Variants in GPR149 observed in about 807,000 individuals in gnomAD.
The protein encoded by GPR149 is probable G protein-coupled receptor 149.
GPR149 carries 50 observed loss-of-function variants against 50.2 expected under a neutral mutation model. The ratio of observed to expected loss-of-function variants is 1.00; its 90% CI spans 0.79 to 1.26. GPR149 has a LOEUF of 1.26. Ranked by LOEUF, GPR149 falls within the 50% of genes most tolerant of loss-of-function variation. GPR149 has a pLI of 0.00. For synonymous variants in GPR149, 405 were observed against 358.2 expected (o/e 1.13, Z -1.48); for missense variants, 983 against 895.4 (o/e 1.10, Z -1.25).
intron 3 of GPR149, among the ~76,000 whole-genome samples, chr3:154,399,211 T>C (rs989946348): frequency 6.6e-6 from 1 of 152,134 alleles, no homozygotes; most frequent in Non-Finnish European, 1.5e-5. Context: ...TTTCCTATAG[T>C]AAGTACTTCT....
chr3:154,359,117 G>T (rs899482246), intron 3 of GPR149, among the ~76,000 whole-genome samples: 2 of 150,986 alleles, frequency 1.3e-5, no homozygotes, highest in South Asian at 2.1e-4. Flanking sequence ...TTTCTTCTCA[G>T]TTTTTTTTTG....
At chr3:154,388,337 C>T (rs566916127) in intron 3 of GPR149, among the ~76,000 whole-genome samples, 1 of 151,922 alleles carries the variant, frequency 6.6e-6, no homozygotes, top group Non-Finnish European at 1.5e-5. Context: ...CCCTTATGGA[C>T]TGTAGTTTGT....
intron 3 of GPR149, among the ~76,000 whole-genome samples, chr3:154,416,201 T>C (rs1384664919): frequency 6.6e-6 from 1 of 151,918 alleles, no homozygotes; most frequent in Non-Finnish European, 1.5e-5. Context: ...GGGTCGTATA[T>C]TAAATAGAAA....
At chr3:154,419,228 T>C (rs1712072588) in intron 3 of GPR149, among the ~76,000 whole-genome samples, 2 of 152,070 alleles carry the variant, frequency 1.3e-5, no homozygotes, top group African/African-American at 2.4e-5. Flanking sequence ...ATACTTTACA[T>C]AAATCATTTT....
chr3:154,353,424 A>G, intron 3 of GPR149: 8 of 1,041,302 alleles, frequency 7.7e-6, no homozygotes, highest in African/African-American at 1.6e-5. Flanking sequence ...CACATCTTCA[A>G]CTTGTTCATT....
chr3:154,380,157 T>A (rs778096312), intron 3 of GPR149, among the ~76,000 whole-genome samples: 14 of 129,098 alleles, frequency 1.1e-4, no homozygotes, highest in South Asian at 2.7e-4. Context: ...TGTGTGTGTG[T>A]GAGAGAGACA....
intron 3 of GPR149, among the ~76,000 whole-genome samples, chr3:154,368,592 A>G (rs1057122637): frequency 6.6e-6 from 1 of 152,196 alleles, no homozygotes; most frequent in Non-Finnish European, 1.5e-5. Flanking sequence ...AGAGCCGTTG[A>G]ATTGCTATTT....
rs548684391 is a variant in GPR149, at chr3:154,398,700, C to T, written c.1623+22339G>A. Among the ~76,000 whole-genome samples, 28 of 152,216 alleles carry T rather than the reference C, an allele frequency of 1.8e-4. No homozygotes were observed. The South Asian group carries it at 5.6e-3, about 30-fold the overall frequency. ...GACAAGTTCAAAAACCCAACTATTT[C>T]CATATGTGCTCTTGGATCTTAAATA... On this transcript the variant is annotated intron_variant, in intron 3 of 3. Coordinates refer to ENST00000389740, the MANE Select transcript of GPR149 (RefSeq NM_001038705.3).
chr3:154,382,874 A>T (rs565362870), intron 3 of GPR149, among the ~76,000 whole-genome samples: 1 of 152,336 alleles, frequency 6.6e-6, no homozygotes, highest in African/African-American at 2.4e-5. Context: ...CATTCAGTGA[A>T]TTAGTCATTC....
chr3:154,408,884 C>G (rs960073702), intron 3 of GPR149, among the ~76,000 whole-genome samples: 1 of 152,248 alleles, frequency 6.6e-6, no homozygotes, highest in African/African-American at 2.4e-5. Flanking sequence ...AGCTGATGCA[C>G]TCTTGAAAGT....
At chr3:154,387,896 G>A (rs1030329459) in intron 3 of GPR149, among the ~76,000 whole-genome samples, 11 of 151,722 alleles carry the variant, frequency 7.3e-5, no homozygotes, top group Non-Finnish European at 1.2e-4. Flanking sequence ...AACCTCTATG[G>A]CATGACCTTA....
In GPR149 at chr3:154,336,944, CA is replaced by C. The variant is rs1243739989; in HGVS notation, c.*754del. On this transcript the variant is annotated 3_prime_UTR_variant, in exon 4 of 4. Coordinates refer to ENST00000389740, the MANE Select transcript of GPR149 (RefSeq NM_001038705.3). Reference sequence around the variant, plus strand: ...TTTTAGGATAAAGTATACAATTACACAATTACAACTTTTTTCCAATAATGTT... The same window carrying C: ...TTTTAGGATAAAGTATACAATTACACATTACAACTTTTTTCCAATAATGTT... 16 of 151,654 alleles carry C rather than the reference CA, an allele frequency of 1.1e-4. No homozygotes were observed. Among genetic ancestry groups the C allele is most frequent in the African/African-American group, 3.9e-4 (16 of 41,292 alleles). The allele number at this position is 151,654 out of a possible 1,614,324, so 9.4% of individuals were successfully genotyped here.
chr3:154,400,026 G>A (rs1711511170), intron 3 of GPR149, among the ~76,000 whole-genome samples: 1 of 152,082 alleles, frequency 6.6e-6, no homozygotes, highest in African/African-American at 2.4e-5. Flanking sequence ...TCACTCTGTT[G>A]CCCAGGCTGG....
chr3:154,424,493 G>A (rs1293870553), intron 2 of GPR149, among the ~76,000 whole-genome samples: 1 of 151,724 alleles, frequency 6.6e-6, no homozygotes, highest in Non-Finnish European at 1.5e-5. Context: ...CCTTGACAGT[G>A]CTACAGTTCC....
intron 3 of GPR149, among the ~76,000 whole-genome samples, chr3:154,344,713 C>T (rs538025849): frequency 2.6e-5 from 4 of 152,100 alleles, no homozygotes; most frequent in Non-Finnish European, 5.9e-5. Context: ...AGTCAAGGAA[C>T]ACCAAGGATT....
chr3:154,347,298 G>A (rs553304508), intron 3 of GPR149, among the ~76,000 whole-genome samples: 9 of 152,290 alleles, frequency 5.9e-5, no homozygotes, highest in African/African-American at 2.2e-4. Context: ...TGGCTGGGGA[G>A]GCCTCAGGAA....
In GPR149 at chr3:154,371,019, C is replaced by T. The variant is rs765801367; in HGVS notation, c.1624-32748G>A. On this transcript the variant is annotated intron_variant, in intron 3 of 3. Transcript: ENST00000389740. The stretch of plus-strand genomic sequence containing the variant: ...CAACTTTGAGGTATGGGCCTTAAAA[C>T]GACAATTTGGAAAGGCAAAGAATGC... Among the ~76,000 whole-genome samples the T allele has an allele frequency of 1.4e-3, 218 of 152,158 alleles. 2 individuals are homozygous for T. Among genetic ancestry groups the T allele is most frequent in the Non-Finnish European group, 1.1e-3 (76 of 68,006 alleles).
At chr3:154,428,536 T>A in intron 1 of GPR149, 99 bp downstream of exon 1, 2 of 1,309,246 alleles carry the variant, frequency 1.5e-6, no homozygotes, top group Non-Finnish European at 2.1e-6. Context: ...CTTCACTGTG[T>A]GTCTCTTGGT....
At chr3:154,351,313 C>CAAAAAA (rs71155003) in intron 3 of GPR149, among the ~76,000 whole-genome samples, 224 of 75,540 alleles carry the variant, frequency 3.0e-3, no homozygotes, top group Non-Finnish European at 4.5e-3. Context: ...CATCCACATA[C>CAAAAAA]AAAAAAAAAA....
Sources: allele counts gnomAD v4.1 joint callset (sites outside exome capture counted in the v4.1 genomes callset), GRCh38; gene constraint gnomAD v4.1.1; transcripts MANE v1.5; gene names NCBI Gene and HGNC (gene_info 2026-07-23, HGNC 2026-07-21).